Variants in CAMK1D observed in about 807,000 individuals in gnomAD.
CAMK1D encodes the protein calcium/calmodulin dependent protein kinase ID.
A neutral mutation model predicts 47.7 loss-of-function variants in CAMK1D; 9 were observed. The ratio of observed to expected loss-of-function variants is 0.19; its 90% CI spans 0.11 to 0.33. The LOEUF is 0.33. Ranked by LOEUF, CAMK1D falls within the 10% of genes least tolerant of loss-of-function variation. CAMK1D has a pLI of 1.00. For missense variants in CAMK1D, 291 were observed against 488.7 expected, an observed-to-expected ratio of 0.60 and a Z score of 3.81; for synonymous variants, 184 against 184.9, an observed-to-expected ratio of 0.99 and a Z score of 0.04.
chr10:12,535,364 C>G (rs1271259944), intron 1 of CAMK1D, among the ~76,000 whole-genome samples: 1 of 152,140 alleles, frequency 6.6e-6, no homozygotes, highest in Non-Finnish European at 1.5e-5. Context: ...TCTTGTTCCC[C>G]CTGCCCCCAC....
chr10:12,600,328 A>G (rs551662282), intron 2 of CAMK1D, among the ~76,000 whole-genome samples: 4 of 152,328 alleles, frequency 2.6e-5, no homozygotes, highest in African/African-American at 7.2e-5. Context: ...TTCAGAAACA[A>G]TGGAATGAAA....
chr10:12,480,363 A>T (rs934659321), intron 1 of CAMK1D, among the ~76,000 whole-genome samples: 3 of 151,796 alleles, frequency 2.0e-5, no homozygotes, highest in Non-Finnish European at 4.4e-5. Flanking sequence ...GGAACCCGGG[A>T]GGCGGAGGTT....
chr10:12,452,999 A>G (rs1833133169), intron 1 of CAMK1D, among the ~76,000 whole-genome samples: 1 of 150,876 alleles, frequency 6.6e-6, no homozygotes, highest in South Asian at 2.1e-4. Context: ...TTCAACAGCA[A>G]CTCCTCATCT....
At chr10:12,390,852 C>T (rs1838699040) in intron 1 of CAMK1D, among the ~76,000 whole-genome samples, 1 of 152,176 alleles carries the variant, frequency 6.6e-6, no homozygotes, top group South Asian at 2.1e-4. Flanking sequence ...CGGAGCCATC[C>T]TTCTGGCCCA....
At chr10:12,734,236 C>T (rs1009173951) in intron 3 of CAMK1D, among the ~76,000 whole-genome samples, 8 of 144,706 alleles carry the variant, frequency 5.5e-5, no homozygotes, top group Middle Eastern at 3.7e-3. Flanking sequence ...ACAGGAGAAT[C>T]GCTTGAACCT....
chr10:12,694,197 T>TTATATATTATACATAATATAAAA (rs1564498427), intron 3 of CAMK1D, among the ~76,000 whole-genome samples: 1 of 3,182 alleles, frequency 3.1e-4, no homozygotes, highest in African/African-American at 7.4e-4. Flanking sequence ...ATAATATATA[T>TTATATATTATACATAATATAAAA]TATATATTAT....
intron 5 of CAMK1D, among the ~76,000 whole-genome samples, chr10:12,785,293 C>CCTTTCCTG (rs1264535374): frequency 6.6e-6 from 1 of 152,118 alleles, no homozygotes; most frequent in African/African-American, 2.4e-5. Context: ...GAGAATAGGC[C>CCTTTCCTG]CTTTCCTGCT....
chr10:12,661,746 A>G (rs1840280234), intron 2 of CAMK1D, among the ~76,000 whole-genome samples: 2 of 152,244 alleles, frequency 1.3e-5, no homozygotes, highest in Admixed American at 6.5e-5. Context: ...ATTCCCAAAC[A>G]TATAAAGGGT....
chr10:12,419,303 AGGTTG>A (rs1283230231), intron 1 of CAMK1D, among the ~76,000 whole-genome samples: 1 of 152,134 alleles, frequency 6.6e-6, no homozygotes, highest in Non-Finnish European at 1.5e-5. Flanking sequence ...CAAGGAGGTG[AGGTTG>A]GGAGCCTGGG....
intron 1 of CAMK1D, among the ~76,000 whole-genome samples, chr10:12,446,198 T>A (rs1221443392): frequency 6.6e-6 from 1 of 152,070 alleles, no homozygotes; most frequent in East Asian, 1.9e-4. Context: ...TGCAAGCAAG[T>A]TTATTAAGAA....
chr10:12,520,440 C>T (rs1164755342), intron 1 of CAMK1D, among the ~76,000 whole-genome samples: 1 of 75,504 alleles, frequency 1.3e-5, no homozygotes, highest in Non-Finnish European at 2.8e-5. Context: ...TCCTCACTTT[C>T]CAGACTGGGC....
chr10:12,808,247 A>G (rs1245989910), intron 6 of CAMK1D, among the ~76,000 whole-genome samples: 2 of 152,118 alleles, frequency 1.3e-5, no homozygotes, highest in Non-Finnish European at 2.9e-5. Context: ...GCAGATTTCT[A>G]TTGTTACTGT....
chr10:12,513,785 A>AG (rs1442540133), intron 1 of CAMK1D, among the ~76,000 whole-genome samples: 3 of 152,156 alleles, frequency 2.0e-5, no homozygotes, highest in African/African-American at 7.2e-5. Context: ...TGGGTGACAG[A>AG]GGGAGCCCCT....
chr10:12,535,900 C>T (rs377370660), intron 1 of CAMK1D, among the ~76,000 whole-genome samples: 5 of 152,090 alleles, frequency 3.3e-5, no homozygotes, highest in African/African-American at 1.2e-4. Context: ...TCTGTGGTAA[C>T]ACCACAGATG....
At chr10:12,573,361 T>C (rs1011138632) in intron 2 of CAMK1D, among the ~76,000 whole-genome samples, 4 of 133,424 alleles carry the variant, frequency 3.0e-5, no homozygotes, top group African/African-American at 1.6e-4. Context: ...TTTATCGTCA[T>C]GCAGAGCTGG....
At chr10:12,827,317 T>C (rs1436155773) in intron 10 of CAMK1D, among the ~76,000 whole-genome samples, 7 of 121,868 alleles carry the variant, frequency 5.7e-5, no homozygotes, top group Admixed American at 9.1e-5. Flanking sequence ...TTTTCTTTTC[T>C]TTCTTTCTCT....
At chr10:12,507,366 CAG>C (rs1365625976) in intron 1 of CAMK1D, among the ~76,000 whole-genome samples, 1 of 151,560 alleles carries the variant, frequency 6.6e-6, no homozygotes, top group Non-Finnish European at 1.5e-5. Context: ...TCCTTAGAAA[CAG>C]GGAACTGGCC....
chr10:12,573,200 G>A (rs1837379761), intron 2 of CAMK1D, among the ~76,000 whole-genome samples: 1 of 152,252 alleles, frequency 6.6e-6, no homozygotes, highest in Non-Finnish European at 1.5e-5. Flanking sequence ...AAGCCTGCAA[G>A]CACTCAGGCC....
At chr10:12,553,200 T>A (rs1170935950) in intron 1 of CAMK1D, 25 bp from the exon 2 acceptor site, 6 of 1,613,640 alleles carry the variant, frequency 3.7e-6, no homozygotes, top group Middle Eastern at 1.7e-4. Context: ...CATCTAAGTG[T>A]TCTTTTTTCC....
Sources: gnomAD v4.1 joint callset for allele counts (sites outside exome capture counted in the v4.1 genomes callset) on GRCh38, gnomAD v4.1.1 for gene constraint, MANE v1.5 for transcripts, NCBI Gene and HGNC (gene_info 2026-07-23, HGNC 2026-07-21) for gene names.